Variants in WDPCP observed in about 807,000 individuals in gnomAD.
The protein encoded by WDPCP is WD repeat-containing and planar cell polarity effector protein fritz homolog.
WDPCP carries 71 observed loss-of-function variants against 93.1 expected under a neutral mutation model. The observed-to-expected ratio is 0.76, with a 90% confidence interval of 0.63 to 0.93. The LOEUF (loss-of-function observed/expected upper bound fraction) is 0.93, where lower values mean the gene tolerates loss of function less well. WDPCP is among the 40% of genes least tolerant of loss of function. The pLI, the probability that WDPCP is intolerant of heterozygous loss-of-function variation, is 0.00. For synonymous variants in WDPCP, 315 were observed against 315.0 expected (o/e 1.00, Z 0.00); for missense variants, 844 against 887.4 (o/e 0.95, Z 0.62).
intron 2 of WDPCP, among the ~76,000 whole-genome samples, chr2:63,701,111 A>G (rs1165218492): frequency 6.6e-6 from 1 of 152,224 alleles, no homozygotes; most frequent in African/African-American, 2.4e-5. Flanking sequence ...TCATCTGACA[A>G]AGGATTAATA....
rs1691270883 is a variant in WDPCP, at chr2:63,370,244, C to A, written c.1748+8142G>T. ...CCTTCCTAAATGGCCCTAACTGTGCCCACATAAAAACCAGCTACTTCATCT... is the reference window on the plus strand; with the variant it reads ...CCTTCCTAAATGGCCCTAACTGTGCACACATAAAAACCAGCTACTTCATCT... On this transcript the variant is annotated intron_variant, in intron 12 of 17. Transcript: ENST00000272321. 1.3e-5 allele frequency among the ~76,000 whole-genome samples: 2 copies of A among 152,070 alleles called. 1 individual carries two copies. The highest frequency in any genetic ancestry group is 4.1e-4 in the South Asian group (2 of 4,824).
intron 1 of WDPCP, among the ~76,000 whole-genome samples, chr2:63,536,016 GA>G (rs1053180369): frequency 6.6e-6 from 1 of 152,104 alleles, no homozygotes; most frequent in African/African-American, 2.4e-5. Flanking sequence ...AAATTTACAA[GA>G]AAAAGTCAAA....
chr2:63,654,453 TC>T (rs1410147950), intron 2 of WDPCP, among the ~76,000 whole-genome samples: 4 of 152,244 alleles, frequency 2.6e-5, no homozygotes, highest in South Asian at 2.1e-4. Flanking sequence ...GGCTGAGATG[TC>T]CACTGATCAG....
intron 1 of WDPCP, among the ~76,000 whole-genome samples, chr2:63,545,798 A>G (rs1311928321): frequency 6.6e-6 from 1 of 151,614 alleles, no homozygotes; most frequent in Non-Finnish European, 1.5e-5. Context: ...AAACGGTGCA[A>G]TGGTCTACAA....
chr2:63,412,721 T>C (rs1168042965), intron 9 of WDPCP, among the ~76,000 whole-genome samples: 1 of 151,744 alleles, frequency 6.6e-6, no homozygotes, highest in Non-Finnish European at 1.5e-5. Flanking sequence ...TCAGTAGTTC[T>C]ATACAACAGC....
chr2:63,597,430 C>G, intron 3 of WDPCP: 1 of 1,452,646 alleles, frequency 6.9e-7, no homozygotes. Context: ...AAGACGTTGC[C>G]TTCAAAGACC....
chr2:63,301,078 G>A (rs1262094929), intron 13 of WDPCP, among the ~76,000 whole-genome samples: 2 of 152,206 alleles, frequency 1.3e-5, no homozygotes, highest in African/African-American at 4.8e-5. Context: ...GGTGTTTCAA[G>A]GTCAACAGTG....
chr2:63,651,787 T>C (rs996859326), intron 2 of WDPCP, among the ~76,000 whole-genome samples: 1 of 152,188 alleles, frequency 6.6e-6, no homozygotes, highest in African/African-American at 2.4e-5. Flanking sequence ...AATAACTCAG[T>C]ACTATAACCT....
At chr2:63,752,436 C>T (rs1669897553) in intron 2 of WDPCP, 1 of 767,658 alleles carries the variant, frequency 1.3e-6, no homozygotes, top group Non-Finnish European at 2.3e-6. Context: ...GCTGCATCCA[C>T]CTCCTCCATA....
intron 9 of WDPCP, among the ~76,000 whole-genome samples, chr2:63,421,755 C>T (rs1695880771): frequency 6.6e-6 from 1 of 152,016 alleles, no homozygotes; most frequent in Non-Finnish European, 1.5e-5. Context: ...AACCTACAGA[C>T]AACTAGATGA....
intron 2 of WDPCP, among the ~76,000 whole-genome samples, chr2:63,687,891 T>G (rs1668832231): frequency 1.3e-5 from 2 of 152,204 alleles, no homozygotes; most frequent in South Asian, 4.1e-4. Flanking sequence ...TACTCCCATG[T>G]TTATTGCAGC....
intron 2 of WDPCP, among the ~76,000 whole-genome samples, chr2:63,794,365 C>A (rs1397631106): frequency 6.6e-6 from 1 of 152,166 alleles, no homozygotes; most frequent in Non-Finnish European, 1.5e-5. Flanking sequence ...GGTTTAGGAA[C>A]CCATGCTTAA....
At chr2:63,642,185 G>A (rs146574907) in intron 3 of WDPCP, among the ~76,000 whole-genome samples, 64 of 152,016 alleles carry the variant, frequency 4.2e-4, no homozygotes, top group African/African-American at 7.5e-4. Context: ...TTACTATAGC[G>A]CTGTAGTATA....
At chr2:63,818,397 T>G (rs1358384507) in intron 1 of WDPCP, among the ~76,000 whole-genome samples, 1 of 152,184 alleles carries the variant, frequency 6.6e-6, no homozygotes, top group Non-Finnish European at 1.5e-5. Flanking sequence ...TTGAATAATG[T>G]CAACACATAA....
chr2:63,577,990 C>T (rs1427926827), intron 1 of WDPCP, among the ~76,000 whole-genome samples: 1 of 151,316 alleles, frequency 6.6e-6, no homozygotes, highest in Non-Finnish European at 1.5e-5. Flanking sequence ...GTTTTGGCTT[C>T]AGGAAAATGT....
upstream of WDPCP, chr2:63,588,931 G>C: frequency 6.8e-7 from 1 of 1,475,006 alleles, no homozygotes. Flanking sequence ...CGGGAGCGGA[G>C]CCTTTTCTCG....
chr2:63,494,600 A>C (rs1307081395), intron 1 of WDPCP, among the ~76,000 whole-genome samples: 1 of 151,948 alleles, frequency 6.6e-6, no homozygotes, highest in East Asian at 1.9e-4. Flanking sequence ...TGTGGGAGGG[A>C]GTATATACAG....
In WDPCP at chr2:63,619,570, T is replaced by G. The variant is rs115885514; in HGVS notation, n.488+31089A>C. Among the ~76,000 whole-genome samples, 647 of 152,258 alleles carry G rather than the reference T, an allele frequency of 4.2e-3. 1 individual carries two copies. Among genetic ancestry groups the G allele is most frequent in the Middle Eastern group, 0.014 (4 of 294 alleles). On this transcript the variant is annotated intron_variant and non_coding_transcript_variant, in intron 3 of 4. Coordinates refer to the WDPCP transcript ENST00000467687. ...CGGTCTATGTCCTATTTTACTAGAT[T>G]GTAAGCACCTGAAAAAAAGGATCTA... is the stretch of plus-strand genomic sequence containing the variant.
intron 2 of WDPCP, among the ~76,000 whole-genome samples, chr2:63,743,494 A>C (rs1669754120): frequency 6.6e-6 from 1 of 152,156 alleles, no homozygotes; most frequent in African/African-American, 2.4e-5. Flanking sequence ...CAGTTTTTAA[A>C]AAAATACATC....
Sources: gnomAD v4.1 joint callset for allele counts (sites outside exome capture counted in the v4.1 genomes callset) on GRCh38, gnomAD v4.1.1 for gene constraint, MANE v1.5 for transcripts, NCBI Gene and HGNC (gene_info 2026-07-23, HGNC 2026-07-21) for gene names.